Variants in PKNOX2 observed in about 807,000 individuals in gnomAD.
The protein encoded by PKNOX2 is PBX/knotted 1 homeobox 2.
In PKNOX2, 14 loss-of-function variants were observed where a neutral mutation model predicts 53.1. The ratio of observed to expected loss-of-function variants is 0.26; its 90% CI spans 0.17 to 0.41. PKNOX2 has a LOEUF of 0.41. Ranked by LOEUF, PKNOX2 falls within the 10% of genes least tolerant of loss-of-function variation. PKNOX2 has a pLI of 1.00. For synonymous variants in PKNOX2, 257 were observed against 242.8 expected (o/e 1.06, Z -0.54); for missense variants, 496 against 602.8 (o/e 0.82, Z 1.85).
At chr11:125,341,049 C>CAAAA (rs58556639) in intron 3 of PKNOX2, among the ~76,000 whole-genome samples, 54 of 45,788 alleles carry the variant, frequency 1.2e-3, no homozygotes, top group Non-Finnish European at 1.8e-3. Flanking sequence ...GACTCCATCT[C>CAAAA]AAAAAAAAAA....
At chr11:125,239,662 A>T (rs1942999674) in intron 2 of PKNOX2, 1 of 152,248 alleles carries the variant, frequency 6.6e-6, no homozygotes, top group African/African-American at 2.4e-5. Context: ...TCAGGCAATG[A>T]GCGTAAAAAC....
chr11:125,389,711 G>A (rs557657278), intron 6 of PKNOX2, among the ~76,000 whole-genome samples: 7 of 152,302 alleles, frequency 4.6e-5, no homozygotes, highest in African/African-American at 1.4e-4. Context: ...ACGGGCCCCC[G>A]GTGCAGGGCC....
chr11:125,304,089 G>A (rs1948258704), intron 2 of PKNOX2, among the ~76,000 whole-genome samples: 1 of 144,148 alleles, frequency 6.9e-6, no homozygotes, highest in South Asian at 2.2e-4. Context: ...TACCCGCAGG[G>A]AGCTTGGCCT....
At chr11:125,318,554 A>G (rs1036671582) in intron 2 of PKNOX2, among the ~76,000 whole-genome samples, 2 of 152,194 alleles carry the variant, frequency 1.3e-5, no homozygotes, top group Admixed American at 1.3e-4. Context: ...AGACCATTCA[A>G]ACGTTTACCA....
intron 2 of PKNOX2, among the ~76,000 whole-genome samples, chr11:125,258,090 C>A (rs1359394798): frequency 6.6e-6 from 1 of 152,154 alleles, no homozygotes; most frequent in South Asian, 2.1e-4. Flanking sequence ...ATTGTCAGGT[C>A]CCAACCCTGG....
intron 3 of PKNOX2, among the ~76,000 whole-genome samples, chr11:125,336,956 TA>T (rs1324627095): frequency 6.7e-6 from 1 of 149,298 alleles, no homozygotes; most frequent in Non-Finnish European, 1.5e-5. Flanking sequence ...ATATATGATA[TA>T]TAGGATCTAT....
chr11:125,351,693 C>T (rs1370215887), intron 4 of PKNOX2, among the ~76,000 whole-genome samples: 1 of 152,164 alleles, frequency 6.6e-6, no homozygotes, highest in Non-Finnish European at 1.5e-5. Context: ...AGCCAAGCCC[C>T]TTTGCTGTGA....
chr11:125,309,159 C>CTTT (rs1415341483), intron 2 of PKNOX2, among the ~76,000 whole-genome samples: 1 of 150,022 alleles, frequency 6.7e-6, no homozygotes, highest in African/African-American at 2.5e-5. Flanking sequence ...TTCTTTCTTT[C>CTTT]CTTCCTTCCT....
intron 2 of PKNOX2, among the ~76,000 whole-genome samples, chr11:125,256,528 C>T (rs1035380640): frequency 1.5e-4 from 23 of 152,180 alleles, no homozygotes; most frequent in African/African-American, 5.1e-4. Flanking sequence ...ACCCAGACTC[C>T]ATCCAGTGAG....
intron 1 of PKNOX2, among the ~76,000 whole-genome samples, chr11:125,183,374 G>A (rs1956265007): frequency 1.3e-5 from 1 of 74,880 alleles, no homozygotes; most frequent in South Asian, 3.7e-4. Context: ...CCGCCACCGC[G>A]CCCGGCTAAT....
At chr11:125,423,241 GC>G (rs1255901129) in intron 10 of PKNOX2, among the ~76,000 whole-genome samples, 1 of 152,118 alleles carries the variant, frequency 6.6e-6, no homozygotes, top group Non-Finnish European at 1.5e-5. Flanking sequence ...TCAAACCTGG[GC>G]AGTCTGACTC....
chr11:125,329,411 A>G (rs1950015314), intron 2 of PKNOX2, among the ~76,000 whole-genome samples: 1 of 152,240 alleles, frequency 6.6e-6, no homozygotes, highest in South Asian at 2.1e-4. Flanking sequence ...CATCATATTA[A>G]AATACCTACT....
At chr11:125,300,901 A>T (rs1251534933) in intron 2 of PKNOX2, among the ~76,000 whole-genome samples, 1 of 152,170 alleles carries the variant, frequency 6.6e-6, no homozygotes, top group African/African-American at 2.4e-5. Context: ...GACTCAGAGG[A>T]TGGATGGACA....
rs866264044 is a variant in PKNOX2, at chr11:125,393,860, T to A, written c.400-4014T>A. 7.5e-5 allele frequency among the ~76,000 whole-genome samples: 11 copies of A among 146,778 alleles called. 1 individual carries two copies. Among genetic ancestry groups the A allele is most frequent in the Admixed American group, 1.4e-4 (2 of 14,504 alleles). On this transcript the variant is annotated intron_variant, in intron 6 of 12. Coordinates refer to ENST00000298282, the MANE Select transcript of PKNOX2 (RefSeq NM_001382323.2). The stretch of plus-strand genomic sequence containing the variant: ...CCACTTTCTCCCAAACCACGCACCC[T>A]TTATACTACCACTTCCTCTACCTAC...
chr11:125,368,299 T>G (rs1952305713), intron 5 of PKNOX2, among the ~76,000 whole-genome samples: 1 of 152,158 alleles, frequency 6.6e-6, no homozygotes, highest in Non-Finnish European at 1.5e-5. Context: ...CAGGACCCTT[T>G]CCTCGCCCTG....
At chr11:125,298,876 A>G (rs1947835157) in intron 2 of PKNOX2, among the ~76,000 whole-genome samples, 1 of 152,170 alleles carries the variant, frequency 6.6e-6, no homozygotes, top group Admixed American at 6.5e-5. Context: ...ATTGGTTATC[A>G]TGTCAGGAGG....
At chr11:125,328,081 A>G (rs73621088) in intron 2 of PKNOX2, among the ~76,000 whole-genome samples, 10,943 of 152,182 alleles carry the variant, frequency 0.072, 1,130 homozygotes, top group African/African-American at 0.23. Flanking sequence ...CAGGATGTCG[A>G]AGGGAGCCCT....
chr11:125,273,663 G>A (rs917947185), intron 2 of PKNOX2, among the ~76,000 whole-genome samples: 12 of 152,188 alleles, frequency 7.9e-5, no homozygotes, highest in African/African-American at 2.4e-4. Flanking sequence ...CTGGGTTCCA[G>A]ACCCAGCAGT....
At chr11:125,408,675 T>G in intron 7 of PKNOX2, among the ~76,000 whole-genome samples, 1 of 152,210 alleles carries the variant, frequency 6.6e-6, no homozygotes, top group East Asian at 1.9e-4. Flanking sequence ...TATAAATCAG[T>G]GCCGACTTCC....
Sources: gnomAD v4.1 joint callset for allele counts (sites outside exome capture counted in the v4.1 genomes callset) on GRCh38, gnomAD v4.1.1 for gene constraint, MANE v1.5 for transcripts, NCBI Gene and HGNC (gene_info 2026-07-23, HGNC 2026-07-21) for gene names.